Variants in SMG5 observed in about 807,000 individuals in gnomAD.
SMG5 encodes nonsense-mediated mRNA decay factor SMG5.
Under a neutral mutation model 122.9 loss-of-function variants are expected in SMG5, and 53 were observed. That is an observed-to-expected ratio of 0.43 (90% CI 0.35 to 0.54). The LOEUF (loss-of-function observed/expected upper bound fraction) is 0.54. Among genes scored for constraint, SMG5 ranks in the 20% least tolerant of loss-of-function variants. The probability of loss-of-function intolerance (pLI) is 0.01; values close to 1 mark genes in which losing one functional copy is unlikely to be tolerated. For missense variants in SMG5, 1,153 were observed against 1,285.6 expected (o/e 0.90, Z 1.58); for synonymous variants, 477 against 490.2 (o/e 0.97, Z 0.35).
intron 20 of SMG5, 67 bp downstream of exon 20, chr1:156,251,336 C>T: frequency 6.4e-7 from 1 of 1,566,304 alleles, no homozygotes; most frequent in Non-Finnish European, 8.8e-7. Context: ...CCCGTTCTCC[C>T]TAGGAATGCT....
Position 156,260,611 on chromosome 1 carries a change from G to T in SMG5, c.2123C>A (p.Pro708His). Reference protein sequence around the residue: ...ELQESGLALCPEVQDLLEGCE... With the variant: ...ELQESGLALCHEVQDLLEGCE... ...ACCTTCAAGAAGATCTTGGACCTCA[G>T]GACACAAGGCCAGGCCTGGGCAGAA... is the stretch of plus-strand genomic sequence containing the variant. Residue 708 changes from proline (P) to histidine (H), a missense_variant, in exon 15 of 22, where the codon CCT (proline) becomes CAT (histidine). Around this residue, in one of 5 missense-constraint regions of SMG5, gnomAD observed 631 missense variants for 650.6 expected, o/e 0.97. Transcript: ENST00000361813. The T allele has an allele frequency of 6.6e-7, 1 of 1,512,770 alleles. No individual in the cohort carries two copies. Among genetic ancestry groups the T allele is most frequent in the Non-Finnish European group, 8.8e-7 (1 of 1,135,068 alleles). 93.7% of individuals were successfully genotyped at this position (1,512,770 alleles called of 1,614,324 possible). A position where few individuals can be genotyped will look rare whatever the true frequency, so the allele number is the denominator to read the frequency against.
chr1:156,275,660 T>C (rs1207222240), intron 4 of SMG5, among the ~76,000 whole-genome samples: 1 of 152,200 alleles, frequency 6.6e-6, no homozygotes, highest in African/African-American at 2.4e-5. Context: ...CTCAGTTGGC[T>C]GAATGGAGAA....
intron 4 of SMG5, among the ~76,000 whole-genome samples, chr1:156,276,151 G>C (rs1313254628): frequency 7.2e-6 from 1 of 138,232 alleles, no homozygotes; most frequent in Non-Finnish European, 1.5e-5. Flanking sequence ...TTTTGAGACA[G>C]AGTCTCACTC....
At chr1:156,275,734 T>G (rs1283926752) in intron 4 of SMG5, among the ~76,000 whole-genome samples, 1 of 152,030 alleles carries the variant, frequency 6.6e-6, no homozygotes, top group Non-Finnish European at 1.5e-5. Context: ...GATCTTTTTT[T>G]TAAAGCTGTG....
chr1:156,259,948 G>A (rs999000009), intron 15 of SMG5, among the ~76,000 whole-genome samples: 4 of 152,168 alleles, frequency 2.6e-5, no homozygotes, highest in Non-Finnish European at 4.4e-5. Flanking sequence ...CAGCCAGGTG[G>A]TTTATGTATG....
At chr1:156,255,085 C>T (rs1218945817) in intron 16 of SMG5, among the ~76,000 whole-genome samples, 3 of 150,878 alleles carry the variant, frequency 2.0e-5, no homozygotes, top group African/African-American at 7.3e-5. Context: ...AGCAAGACTC[C>T]GTCTCAAAAT....
At chr1:156,254,740 C>A (rs1432678088) in intron 16 of SMG5, among the ~76,000 whole-genome samples, 2 of 152,112 alleles carry the variant, frequency 1.3e-5, no homozygotes, top group Non-Finnish European at 2.9e-5. Context: ...CCACAGCGCC[C>A]AGCCCACTGA....
At chr1:156,258,183 T>C (rs535104601) in intron 16 of SMG5, among the ~76,000 whole-genome samples, 5 of 152,384 alleles carry the variant, frequency 3.3e-5, no homozygotes, top group South Asian at 2.1e-4. Context: ...GGAAGGTTCC[T>C]TCATGGCCCC....
chr1:156,268,423 A>C lies in SMG5; in HGVS notation c.714-8T>G. On this transcript the variant is annotated splice_region_variant and splice_polypyrimidine_tract_variant and intron_variant, in intron 7 of 21. Coordinates refer to ENST00000361813, the MANE Select transcript of SMG5 (RefSeq NM_015327.3). Reference sequence around the variant, plus strand: ...GACACTTCTGACTGGATGCTGTAAGAGATAGAGGTGAGCTACTGAGTCTTG... The same window carrying C: ...GACACTTCTGACTGGATGCTGTAAGCGATAGAGGTGAGCTACTGAGTCTTG... The C allele has an allele frequency of 6.2e-7, 1 of 1,613,282 alleles. No homozygotes were observed. Among genetic ancestry groups the C allele is most frequent in the Non-Finnish European group, 8.5e-7 (1 of 1,179,838 alleles).
At chr1:156,268,263 C>A (rs1299554648) in intron 8 of SMG5, 27 bp downstream of exon 8, 26 of 1,614,108 alleles carry the variant, frequency 1.6e-5, no homozygotes, top group Non-Finnish European at 2.1e-5. Context: ...GCAGAAAAAA[C>A]CCGTCCTCCT....
At chr1:156,283,426 G>A (rs768904766), upstream of SMG5, among the ~76,000 whole-genome samples, 1 of 152,156 alleles carries the variant, frequency 6.6e-6, no homozygotes, top group Non-Finnish European at 1.5e-5. Flanking sequence ...ACACACAGAG[G>A]TGAGCAAGCT....
chr1:156,272,796 C>A (rs189467078), intron 6 of SMG5, among the ~76,000 whole-genome samples: 1 of 152,036 alleles, frequency 6.6e-6, no homozygotes, highest in Non-Finnish European at 1.5e-5. Flanking sequence ...AATCTCCTGA[C>A]GTCGTGATCT....
At chr1:156,286,584 C>G, upstream of SMG5, 1 of 1,072,334 alleles carries the variant, frequency 9.3e-7, no homozygotes, top group Non-Finnish European at 1.4e-6. Flanking sequence ...TACACTGGCC[C>G]AAATGTGTGC....
intron 21 of SMG5, 59 bp from the exon 22 acceptor site, chr1:156,250,729 T>C: frequency 6.2e-7 from 1 of 1,603,994 alleles, no homozygotes; most frequent in Middle Eastern, 1.7e-4. Flanking sequence ...GAAGAGCAAA[T>C]TGTTGAGGCG....
At chr1:156,262,788 G>C (rs1044658125) in intron 13 of SMG5, among the ~76,000 whole-genome samples, 1 of 152,202 alleles carries the variant, frequency 6.6e-6, no homozygotes, top group African/African-American at 2.4e-5. Context: ...GCGACCCACA[G>C]GGAAGAAAGT....
chr1:156,273,464 A>T lies in SMG5; in HGVS notation c.545-14T>A, dbSNP rs369422948. Reference sequence around the variant, plus strand: ...TCTGATATCGGGCTGCACAAGAGAGAAAACGAAGGGAAACTCGATGATTTT... The same window carrying T: ...TCTGATATCGGGCTGCACAAGAGAGTAAACGAAGGGAAACTCGATGATTTT... On this transcript the variant is annotated splice_polypyrimidine_tract_variant and intron_variant, in intron 5 of 21. Transcript: ENST00000361813. 3.7e-6 allele frequency: 6 copies of T among 1,612,430 alleles called. No individual in the cohort carries two copies. In the African/African-American group the frequency reaches 8.0e-5, roughly 22 times the overall value.
Position 156,250,934 on chromosome 1 carries a change from T to G in SMG5, c.2891A>C (p.Glu964Ala), listed in dbSNP as rs377130229. 4.3e-6 allele frequency: 7 copies of G among 1,613,820 alleles called. No individual in the cohort carries two copies. The highest frequency in any genetic ancestry group is 5.9e-6 in the Non-Finnish European group (7 of 1,179,914). Residue 964 changes from glutamate (E) to alanine (A), a missense_variant, in exon 21 of 22, where the codon GAG (glutamate) becomes GCG (alanine). Coordinates refer to ENST00000361813, the MANE Select transcript of SMG5 (RefSeq NM_015327.3). The part of the protein sequence containing the change: ...QLTLAQGAGE[E>A]DPSGMVTIIT... ...GATGGTCACCATGCCACTCGGATCC[T>G]CCTCACCTGCCCCCTGGGCCAGAGT...
At chr1:156,268,250 AC>A in intron 8 of SMG5, 39 bp downstream of exon 8, 1 of 1,614,088 alleles carries the variant, frequency 6.2e-7, no homozygotes, top group Non-Finnish European at 8.5e-7. Flanking sequence ...TACTGCACCA[AC>A]TGCAGAAAAA....
upstream of SMG5, chr1:156,285,228 T>G (rs1258497237): frequency 4.6e-6 from 7 of 1,527,978 alleles, no homozygotes; most frequent in Non-Finnish European, 5.3e-6. Flanking sequence ...GGCCCCAGGA[T>G]GACAGAACAG....
Sources: gnomAD v4.1 joint callset for allele counts (sites outside exome capture counted in the v4.1 genomes callset) on GRCh38, gnomAD v4.1.1 for gene constraint, gnomAD v4.1.1 regional missense constraint, MANE v1.5 for transcripts, NCBI Gene and HGNC (gene_info 2026-07-23, HGNC 2026-07-21) for gene names.